DMD: variants seen among roughly 807,000 people sequenced by gnomAD.
DMD encodes dystrophin.
Under a neutral mutation model 330.1 loss-of-function variants are expected in DMD, and 63 were observed. The observed-to-expected ratio is 0.19, with a 90% CI of 0.16 to 0.24. The LOEUF (loss-of-function observed/expected upper bound fraction) is 0.24. DMD is among the 10% of genes least tolerant of loss of function. The pLI is 1.00. For synonymous variants in DMD, 1,223 were observed against 959.8 expected, an observed-to-expected ratio of 1.27 and a Z score of -5.07; for missense variants, 3,344 against 2,684.1, an observed-to-expected ratio of 1.25 and a Z score of -5.43.
intron 61 of DMD, among the ~76,000 whole-genome samples, chrX:31,333,855 T>C (rs1004676519): frequency 8.9e-6 from 1 of 112,005 alleles, no homozygotes; most frequent in African/African-American, 3.2e-5. Flanking sequence ...ATATTCATTA[T>C]ACATACGTAA....
intron 54 of DMD, 59 bp downstream of exon 54, chrX:31,657,931 C>A (rs1001645692): frequency 1.8e-6 from 2 of 1,131,913 alleles, no homozygotes; most frequent in Admixed American, 2.2e-5. Context: ...ATGGTCCATC[C>A]AGTTTCACCA....
chrX:32,186,852 G>A (rs1261819886), intron 44 of DMD, among the ~76,000 whole-genome samples: 1 of 110,776 alleles, frequency 9.0e-6, no homozygotes, highest in Non-Finnish European at 1.9e-5. Flanking sequence ...GGGGAAGAGA[G>A]TAAAGAAGAT....
At chrX:32,999,806 C>A (rs201078112) in intron 2 of DMD, among the ~76,000 whole-genome samples, 7 of 97,603 alleles carry the variant, frequency 7.2e-5, no homozygotes, top group African/African-American at 1.6e-4. Context: ...AAACAAAAAA[C>A]AAAAAAAAAA....
At chrX:31,863,131 C>A (rs993638218) in intron 48 of DMD, among the ~76,000 whole-genome samples, 1 of 112,464 alleles carries the variant, frequency 8.9e-6, no homozygotes, top group Non-Finnish European at 1.9e-5. Flanking sequence ...ATCATGAGGT[C>A]AGGAGATCGA....
chrX:33,122,831 C>T (rs889951317), intron 1 of DMD, among the ~76,000 whole-genome samples: 2 of 111,609 alleles, frequency 1.8e-5, no homozygotes, highest in African/African-American at 3.3e-5. Context: ...AACTGTGTTC[C>T]GAATGCTTTC....
chrX:31,818,034 T>C (rs1437954929), intron 50 of DMD, among the ~76,000 whole-genome samples: 2 of 111,618 alleles, frequency 1.8e-5, no homozygotes, highest in Non-Finnish European at 3.8e-5. Context: ...TTCTCTGTAA[T>C]GGTGTTTCTC....
At chrX:32,040,927 C>T (rs2095996536) in intron 44 of DMD, among the ~76,000 whole-genome samples, 1 of 111,207 alleles carries the variant, frequency 9.0e-6, no homozygotes, top group Non-Finnish European at 1.9e-5. Context: ...ACCGTGCATC[C>T]ATAAGATAAC....
At chrX:32,957,046 T>A (rs1257320935) in intron 2 of DMD, among the ~76,000 whole-genome samples, 1 of 111,676 alleles carries the variant, frequency 9.0e-6, no homozygotes, top group Admixed American at 9.6e-5. Context: ...ATAAGTTGCT[T>A]TCTAGACAGG....
At chrX:32,407,129 T>A (rs1478696925) in intron 30 of DMD, among the ~76,000 whole-genome samples, 2 of 110,869 alleles carry the variant, frequency 1.8e-5, no homozygotes, top group African/African-American at 6.6e-5. Context: ...ACAAATGGGA[T>A]CTAATTAAAC....
At chrX:31,735,867 C>A (rs2086834410) in intron 51 of DMD, among the ~76,000 whole-genome samples, 1 of 111,731 alleles carries the variant, frequency 9.0e-6, no homozygotes. Flanking sequence ...GTGAGAAGTG[C>A]CCTAGGTAGA....
rs187241079 is a variant in DMD at position 31,805,989 on chromosome X, A to G, written c.7309+13986T>C. 2.2e-4 allele frequency among the ~76,000 whole-genome samples: 25 copies of G among 112,201 alleles called. No homozygotes were observed. The Admixed American group carries it at 2.3e-3, about 10-fold the overall frequency. On this transcript the variant is annotated intron_variant, in intron 50 of 78. Transcript: ENST00000357033. Reference sequence around the variant, plus strand: ...CTTTTATTGGAACACAGCCACACTTATGCATTTACAAACTGCCTATGGCTG... The same window carrying G: ...CTTTTATTGGAACACAGCCACACTTGTGCATTTACAAACTGCCTATGGCTG...
intron 13 of DMD, among the ~76,000 whole-genome samples, chrX:32,574,899 A>ATT (rs57772309): frequency 0.019 from 1,887 of 98,430 alleles, 49 homozygotes; most frequent in African/African-American, 0.066. Flanking sequence ...TAATCCACCT[A>ATT]TTTTTTTTTT....
intron 20 of DMD, among the ~76,000 whole-genome samples, chrX:32,486,205 G>A (rs1204023983): frequency 2.7e-5 from 3 of 111,286 alleles, no homozygotes; most frequent in South Asian, 3.8e-4. Flanking sequence ...CTGGGCACCT[G>A]AAATGTGGCT....
At chrX:31,786,415 G>T (rs12833108) in intron 50 of DMD, among the ~76,000 whole-genome samples, 1 of 111,654 alleles carries the variant, frequency 9.0e-6, no homozygotes, top group East Asian at 2.8e-4. Flanking sequence ...ATTTAAAAGA[G>T]ATTTTTTTGA....
intron 59 of DMD, among the ~76,000 whole-genome samples, chrX:31,455,182 T>C (rs867859272): frequency 3.6e-5 from 4 of 109,632 alleles, no homozygotes; most frequent in African/African-American, 6.6e-5. Context: ...CTTATTCATA[T>C]ACTTCTGATC....
chrX:31,622,846 T>A (rs865870976), intron 55 of DMD, among the ~76,000 whole-genome samples: 3 of 74,201 alleles, frequency 4.0e-5, no homozygotes, highest in African/African-American at 5.1e-5. Flanking sequence ...CAGAAAAATT[T>A]TATATATATA....
intron 60 of DMD, among the ~76,000 whole-genome samples, chrX:31,382,839 C>T (rs930199880): frequency 5.4e-5 from 6 of 110,782 alleles, no homozygotes; most frequent in Non-Finnish European, 9.4e-5. Flanking sequence ...TCTCTCCACA[C>T]CACCCCGAAA....
intron 7 of DMD, among the ~76,000 whole-genome samples, chrX:32,729,369 A>T (rs184493325): frequency 0.075 from 8,365 of 111,851 alleles, 764 homozygotes; most frequent in African/African-American, 0.26. Flanking sequence ...CCCAATATTT[A>T]GTCTTGAGGC....
chrX:33,166,011 G>C (rs2049034139), intron 1 of DMD, among the ~76,000 whole-genome samples: 1 of 111,248 alleles, frequency 9.0e-6, no homozygotes. Context: ...TGTTGTTTTG[G>C]CAACAGAATA....
Sources: gnomAD v4.1 joint callset for allele counts (sites outside exome capture counted in the v4.1 genomes callset) on GRCh38, gnomAD v4.1.1 for gene constraint, MANE v1.5 for transcripts, NCBI Gene and HGNC (gene_info 2026-07-23, HGNC 2026-07-21) for gene names.